Variants in PTPRD observed in about 807,000 individuals in gnomAD.
PTPRD encodes the protein receptor-type tyrosine-protein phosphatase delta.
PTPRD carries 34 observed loss-of-function variants against 214.5 expected under a neutral mutation model. The observed-to-expected ratio is 0.16, with a 90% CI of 0.12 to 0.21. The LOEUF (loss-of-function observed/expected upper bound fraction) is 0.21. Ranked by LOEUF, PTPRD falls within the 10% of genes least tolerant of loss-of-function variation. The pLI is 1.00. For synonymous variants in PTPRD, 1,128 were observed against 845.7 expected, an observed-to-expected ratio of 1.33 and a Z score of -5.79; for missense variants, 2,545 against 2,398.7, an observed-to-expected ratio of 1.06 and a Z score of -1.27.
intron 11 of PTPRD, among the ~76,000 whole-genome samples, chr9:8,901,482 C>G (rs759201601): frequency 5.6e-4 from 86 of 152,326 alleles, no homozygotes; most frequent in Middle Eastern, 3.4e-3. Flanking sequence ...ACAACAGCAG[C>G]ATGCGATAAG....
intron 6 of PTPRD, among the ~76,000 whole-genome samples, chr9:9,739,203 G>A (rs2098356719): frequency 6.6e-6 from 1 of 152,118 alleles, no homozygotes; most frequent in Non-Finnish European, 1.5e-5. Context: ...CATTTACCAA[G>A]ACCACAAATA....
chr9:10,307,685 T>C (rs2096126851), intron 3 of PTPRD, among the ~76,000 whole-genome samples: 1 of 152,064 alleles, frequency 6.6e-6, no homozygotes, highest in African/African-American at 2.4e-5. Context: ...GTATAACAGT[T>C]CCCTTAAATA....
intron 10 of PTPRD, among the ~76,000 whole-genome samples, chr9:9,136,088 C>T (rs2099850400): frequency 6.6e-6 from 1 of 152,112 alleles, no homozygotes; most frequent in South Asian, 2.1e-4. Context: ...ATCTCAACCT[C>T]ATAACATACC....
intron 2 of PTPRD, among the ~76,000 whole-genome samples, chr9:10,559,664 A>C (rs979596616): frequency 2.8e-4 from 42 of 152,270 alleles, no homozygotes; most frequent in African/African-American, 9.6e-4. Context: ...ACTCACCTGA[A>C]AAAGGGCTAA....
At chr9:9,052,588 C>T (rs558537924) in intron 10 of PTPRD, among the ~76,000 whole-genome samples, 1 of 152,268 alleles carries the variant, frequency 6.6e-6, no homozygotes, top group South Asian at 2.1e-4. Flanking sequence ...AATGGTAAGT[C>T]ATACAGTTAA....
At chr9:9,107,067 GT>G (rs2099799664) in intron 10 of PTPRD, among the ~76,000 whole-genome samples, 1 of 152,066 alleles carries the variant, frequency 6.6e-6, no homozygotes, top group Non-Finnish European at 1.5e-5. Context: ...AACATCAGAG[GT>G]TTTATGGATT....
At chr9:9,052,213 A>T (rs2099687284) in intron 10 of PTPRD, among the ~76,000 whole-genome samples, 1 of 152,150 alleles carries the variant, frequency 6.6e-6, no homozygotes, top group African/African-American at 2.4e-5. Context: ...ATTAGGATAC[A>T]ATCCATTCAT....
intron 39 of PTPRD, among the ~76,000 whole-genome samples, chr9:8,366,195 A>C (rs1190297560): frequency 6.6e-6 from 1 of 152,222 alleles, no homozygotes; most frequent in Non-Finnish European, 1.5e-5. Flanking sequence ...CAGACATTAA[A>C]TGAAATTTGA....
intron 10 of PTPRD, among the ~76,000 whole-genome samples, chr9:9,070,132 T>A (rs1487912112): frequency 2.0e-5 from 3 of 152,182 alleles, no homozygotes; most frequent in Non-Finnish European, 4.4e-5. Context: ...TAGCATTTTA[T>A]TTATTCACAA....
intron 30 of PTPRD, among the ~76,000 whole-genome samples, chr9:8,474,394 A>G (rs1037994775): frequency 6.6e-5 from 10 of 152,024 alleles, no homozygotes; most frequent in African/African-American, 2.4e-4. Context: ...CCCACGTACC[A>G]CTGAAGCTCT....
intron 10 of PTPRD, among the ~76,000 whole-genome samples, chr9:9,133,333 A>T (rs530054575): frequency 6.6e-6 from 1 of 152,186 alleles, no homozygotes; most frequent in Non-Finnish European, 1.5e-5. Flanking sequence ...ATTTATTTTA[A>T]TAACCTGCTC....
At chr9:9,695,134 G>A (rs1595437389) in intron 7 of PTPRD, among the ~76,000 whole-genome samples, 1 of 152,132 alleles carries the variant, frequency 6.6e-6, no homozygotes, top group Non-Finnish European at 1.5e-5. Context: ...GGTATCGCTG[G>A]TGGTTATTCA....
At chr9:9,826,143 A>C (rs1427857185) in intron 5 of PTPRD, among the ~76,000 whole-genome samples, 1 of 151,628 alleles carries the variant, frequency 6.6e-6, no homozygotes, top group Non-Finnish European at 1.5e-5. Context: ...ATTTGTCTTT[A>C]ATAGTTTTTA....
intron 2 of PTPRD, among the ~76,000 whole-genome samples, chr9:10,566,099 G>T (rs1023235158): frequency 6.6e-6 from 1 of 151,620 alleles, no homozygotes; most frequent in African/African-American, 2.4e-5. Context: ...AATTTTGTTG[G>T]GAGTCACGGT....
Position 9,558,269 on chromosome 9 carries a change from G to A in PTPRD, c.-237+16463C>T, listed in dbSNP as rs535125980. Among the ~76,000 whole-genome samples, 3 of 152,304 alleles carry A rather than the reference G, an allele frequency of 2.0e-5. No homozygotes were observed. The South Asian group carries it at 6.2e-4, about 32-fold the overall frequency. On this transcript the variant is annotated intron_variant, in intron 8 of 45. Transcript: ENST00000381196. ...AATAGTGGCACAGAGCCAAGTAATG[G>A]CCTTTCCATGTTATGGCTACATGGT...
In PTPRD at chr9:8,612,703, G is replaced by T. The variant is rs752300214; in HGVS notation, c.352+20614C>A. Among the ~76,000 whole-genome samples the T allele has an allele frequency of 9.2e-5, 14 of 152,210 alleles. 1 individual carries two copies. The highest frequency in any genetic ancestry group is 9.2e-4 in the Admixed American group (14 of 15,278). Reference sequence around the variant, plus strand: ...GTTTTGGAGGGATGTTCACTGAGGTGAGAAGAGGATGACAACTTCTGGGGG... The same window carrying T: ...GTTTTGGAGGGATGTTCACTGAGGTTAGAAGAGGATGACAACTTCTGGGGG... On this transcript the variant is annotated intron_variant, in intron 14 of 45. Coordinates refer to ENST00000381196, the MANE Select transcript of PTPRD (RefSeq NM_002839.4).
intron 2 of PTPRD, among the ~76,000 whole-genome samples, chr9:10,580,625 T>C (rs1193865544): frequency 6.6e-6 from 1 of 152,168 alleles, no homozygotes; most frequent in Non-Finnish European, 1.5e-5. Context: ...CTAATAATCA[T>C]AATAGTAGTA....
chr9:9,819,137 G>C (rs990919905), intron 5 of PTPRD, among the ~76,000 whole-genome samples: 1 of 152,038 alleles, frequency 6.6e-6, no homozygotes, highest in South Asian at 2.1e-4. Context: ...GCTTTGGAAG[G>C]CTGGAGGCAG....
At chr9:9,197,798 A>T (rs1433110433) in intron 9 of PTPRD, among the ~76,000 whole-genome samples, 1 of 152,184 alleles carries the variant, frequency 6.6e-6, no homozygotes, top group African/African-American at 2.4e-5. Flanking sequence ...GATACTCAAT[A>T]AATGATTTTT....
Sources: gnomAD v4.1 joint callset for allele counts (sites outside exome capture counted in the v4.1 genomes callset) on GRCh38, gnomAD v4.1.1 for gene constraint, MANE v1.5 for transcripts, NCBI Gene and HGNC (gene_info 2026-07-23, HGNC 2026-07-21) for gene names.